The following GRIK4 variants were observed in gnomAD, a reference collection of about 807,000 sequenced individuals.
GRIK4 encodes glutamate ionotropic receptor kainate type subunit 4.
In GRIK4, 40 loss-of-function variants were observed where a neutral mutation model predicts 104.9. The observed-to-expected ratio is 0.38, with a 90% CI of 0.30 to 0.50. The LOEUF is 0.50. Among genes scored for constraint, GRIK4 ranks in the 20% least tolerant of loss-of-function variants. The pLI, the probability that GRIK4 is intolerant of heterozygous loss-of-function variation, is 0.93. For synonymous variants in GRIK4, 485 were observed against 524.9 expected (o/e 0.92, Z 1.04); for missense variants, 1,047 against 1,308.1 (o/e 0.80, Z 3.08).
At chr11:120,893,921 C>G (rs548686826) in intron 11 of GRIK4, among the ~76,000 whole-genome samples, 2 of 152,314 alleles carry the variant, frequency 1.3e-5, no homozygotes, top group Admixed American at 6.5e-5. Flanking sequence ...GGTCTTTTTG[C>G]TCGGCTCTAG....
chr11:120,571,480 A>G (rs1186761595), intron 1 of GRIK4, among the ~76,000 whole-genome samples: 1 of 152,054 alleles, frequency 6.6e-6, no homozygotes, highest in Admixed American at 6.6e-5. Flanking sequence ...TTTTTTAGGA[A>G]AGCTGATTGG....
intron 13 of GRIK4, among the ~76,000 whole-genome samples, chr11:120,937,822 C>T (rs1028265741): frequency 2.6e-5 from 4 of 152,212 alleles, no homozygotes; most frequent in Non-Finnish European, 5.9e-5. Context: ...ATTGTTTTGG[C>T]ATAATGTCAC....
At chr11:120,587,106 C>T (rs1948675390) in intron 1 of GRIK4, among the ~76,000 whole-genome samples, 1 of 152,148 alleles carries the variant, frequency 6.6e-6, no homozygotes, top group African/African-American at 2.4e-5. Flanking sequence ...CTCTTTCTCT[C>T]TCTGTATGCA....
intron 19 of GRIK4, among the ~76,000 whole-genome samples, chr11:120,969,234 G>A (rs563955077): frequency 1.3e-5 from 2 of 152,302 alleles, no homozygotes; most frequent in South Asian, 4.1e-4. Flanking sequence ...GGGGGGTGAA[G>A]TGCGGAGATT....
intron 1 of GRIK4, among the ~76,000 whole-genome samples, chr11:120,614,321 A>G (rs570304222): frequency 6.6e-6 from 1 of 152,324 alleles, no homozygotes; most frequent in South Asian, 2.1e-4. Flanking sequence ...GGGAAAGAAG[A>G]CCATAAAACT....
At chr11:120,809,346 C>A (rs931394362) in intron 4 of GRIK4, among the ~76,000 whole-genome samples, 1 of 152,232 alleles carries the variant, frequency 6.6e-6, no homozygotes, top group Non-Finnish European at 1.5e-5. Flanking sequence ...AAACGCATCT[C>A]CCTCCCTTCC....
chr11:120,901,663 G>A, intron 12 of GRIK4, among the ~76,000 whole-genome samples: 1 of 152,178 alleles, frequency 6.6e-6, no homozygotes, highest in South Asian at 2.1e-4. Flanking sequence ...CTACAGGGTA[G>A]GGGTGTCCCT....
intron 3 of GRIK4, among the ~76,000 whole-genome samples, chr11:120,710,630 G>C (rs1347333306): frequency 6.6e-6 from 1 of 152,146 alleles, no homozygotes; most frequent in Non-Finnish European, 1.5e-5. Context: ...CGGTTTTTCT[G>C]TGCAGGGGTC....
In GRIK4 at chr11:120,740,471, C is replaced by G. The variant is rs374501530; in HGVS notation, c.83-62222C>G. ...CCTGCTGACCCCACATTACCCAGAG[C>G]TGTCCCGTGGCCCTGTCCCAGCTGG... On this transcript the variant is annotated intron_variant, in intron 3 of 20. Coordinates refer to ENST00000527524, the MANE Select transcript of GRIK4 (RefSeq NM_014619.5). Among the ~76,000 whole-genome samples, 124 of 152,332 alleles carry G rather than the reference C, an allele frequency of 8.1e-4. 2 individuals carry two copies. In the South Asian group the frequency reaches 0.023, roughly 28 times the overall value.
intron 1 of GRIK4, among the ~76,000 whole-genome samples, chr11:120,632,924 G>T (rs1022694898): frequency 2.0e-5 from 3 of 152,114 alleles, no homozygotes; most frequent in Non-Finnish European, 4.4e-5. Flanking sequence ...GGAGTTCACA[G>T]GTCGTTTCCT....
chr11:120,778,075 G>T (rs567692529), intron 3 of GRIK4, among the ~76,000 whole-genome samples: 1 of 152,182 alleles, frequency 6.6e-6, no homozygotes, highest in Non-Finnish European at 1.5e-5. Context: ...TACTAAGTGA[G>T]GCATTGAACT....
intron 3 of GRIK4, among the ~76,000 whole-genome samples, chr11:120,766,825 G>A (rs1025232567): frequency 6.6e-6 from 1 of 151,554 alleles, no homozygotes; most frequent in South Asian, 2.1e-4. Context: ...AGGTACCTCA[G>A]TTGGAAACAC....
chr11:120,660,405 G>A lies in GRIK4; in HGVS notation c.82+5G>A. ...GCCCGCACTCCTTGAGGATCGGTAA[G>A]TGTGGCCCAGCTTGGGGCAGTGCCC... is the stretch of plus-strand genomic sequence containing the variant. On this transcript the variant is annotated splice_donor_5th_base_variant and intron_variant, in intron 3 of 20. Transcript: ENST00000527524. 2.5e-6 allele frequency: 4 copies of A among 1,609,176 alleles called. No homozygotes were observed. Among genetic ancestry groups the A allele is most frequent in the Non-Finnish European group, 3.4e-6 (4 of 1,177,304 alleles).
At chr11:120,781,512 A>G (rs980774461) in intron 3 of GRIK4, among the ~76,000 whole-genome samples, 3 of 152,028 alleles carry the variant, frequency 2.0e-5, no homozygotes, top group Non-Finnish European at 4.4e-5. Flanking sequence ...CACCATGCCC[A>G]GCTAACTTTT....
intron 11 of GRIK4, among the ~76,000 whole-genome samples, chr11:120,880,981 G>A (rs1251391628): frequency 1.3e-5 from 2 of 152,128 alleles, no homozygotes; most frequent in African/African-American, 2.4e-5. Flanking sequence ...CTGCAGCCAG[G>A]TCTTACTGTA....
At chr11:120,652,605 ATT>A (rs5795239) in intron 1 of GRIK4, among the ~76,000 whole-genome samples, 6 of 150,068 alleles carry the variant, frequency 4.0e-5, no homozygotes, top group Admixed American at 1.3e-4. Context: ...GTTCACATCC[ATT>A]TTTTTTTTTG....
intron 6 of GRIK4, among the ~76,000 whole-genome samples, chr11:120,823,799 G>A (rs1264251262): frequency 4.6e-5 from 7 of 152,296 alleles, no homozygotes; most frequent in South Asian, 2.1e-4. Context: ...AGTAGGGGAC[G>A]GCCCACATCC....
In GRIK4 at chr11:120,924,340, G is replaced by A. The variant is rs1943293064; in HGVS notation, c.1477-16007G>A. Among the ~76,000 whole-genome samples, 3 of 152,168 alleles carry A rather than the reference G, an allele frequency of 2.0e-5. No individual in the cohort carries two copies. The South Asian group carries it at 6.2e-4, about 32-fold the overall frequency. ...GGCAGCAGCCCTGGCTCCCCTTCCA[G>A]GCTCCTCACCACAGAGTCAGCAGAG... On this transcript the variant is annotated intron_variant, in intron 13 of 20. Transcript: ENST00000527524.
intron 1 of GRIK4, among the ~76,000 whole-genome samples, chr11:120,533,580 T>C (rs1015349619): frequency 1.3e-5 from 2 of 152,146 alleles, no homozygotes; most frequent in African/African-American, 2.4e-5. Context: ...ATGTGTACGT[T>C]CAAAAGTTTT....
Sources: gnomAD v4.1 joint callset for allele counts (sites outside exome capture counted in the v4.1 genomes callset) on GRCh38, gnomAD v4.1.1 for gene constraint, MANE v1.5 for transcripts, NCBI Gene and HGNC (gene_info 2026-07-23, HGNC 2026-07-21) for gene names.